CCDC12: variants seen among roughly 807,000 people sequenced by gnomAD.
CCDC12 encodes the protein coiled-coil domain containing 12, also known as coiled-coil domain-containing protein 12.
In CCDC12, 28 loss-of-function variants were observed where a neutral mutation model predicts 25.7. The observed-to-expected ratio is 1.09, with a 90% confidence interval of 0.81 to 1.50. CCDC12 has a LOEUF of 1.50. Among genes scored for constraint, CCDC12 ranks in the 40% most tolerant of loss-of-function variants. The pLI, the probability that CCDC12 is intolerant of heterozygous loss-of-function variation, is 0.00. For missense variants in CCDC12, 198 were observed against 210.0 expected, an observed-to-expected ratio of 0.94 and a Z score of 0.35; for synonymous variants, 75 against 87.7, an observed-to-expected ratio of 0.86 and a Z score of 0.81.
chr3:46,978,313 C>T (rs1020005540), upstream of CCDC12, among the ~76,000 whole-genome samples: 1 of 152,182 alleles, frequency 6.6e-6, no homozygotes, highest in Admixed American at 6.5e-5. Context: ...ATGGATGAAG[C>T]AGGACAAAAG....
intron 1 of CCDC12, among the ~76,000 whole-genome samples, chr3:46,954,381 CT>C (rs2034222908): frequency 6.6e-6 from 1 of 152,194 alleles, no homozygotes; most frequent in African/African-American, 2.4e-5. Flanking sequence ...AAGCAAGGAC[CT>C]GAAAACCTCA....
intron 3 of CCDC12, chr3:46,925,225 G>C: frequency 1.5e-6 from 1 of 689,420 alleles, no homozygotes; most frequent in South Asian, 1.5e-5. Context: ...TCGGTCTCAG[G>C]GTGTGAGCAG....
intron 1 of CCDC12, among the ~76,000 whole-genome samples, chr3:46,945,098 G>A (rs1358137564): frequency 1.3e-5 from 2 of 152,232 alleles, no homozygotes; most frequent in Admixed American, 6.5e-5. Context: ...GGGTCTGACC[G>A]TAGGCCCAGG....
intron 2 of CCDC12, among the ~76,000 whole-genome samples, chr3:46,931,891 G>A (rs1185691271): frequency 6.6e-6 from 1 of 152,184 alleles, no homozygotes; most frequent in African/African-American, 2.4e-5. Flanking sequence ...CAGAGACACT[G>A]GAGCTCTGCC....
intron 1 of CCDC12, among the ~76,000 whole-genome samples, chr3:46,958,608 T>C (rs2034371548): frequency 6.6e-6 from 1 of 152,178 alleles, no homozygotes; most frequent in Non-Finnish European, 1.5e-5. Context: ...CAGCACTTTA[T>C]AGAGCTCAAA....
rs1301504181 is a variant in CCDC12, at chr3:46,922,055, C to T, written c.*2G>A. The T allele has an allele frequency of 1.2e-6, 2 of 1,613,786 alleles. No individual in the cohort carries two copies. Among genetic ancestry groups the T allele is most frequent in the East Asian group, 2.2e-5 (1 of 44,894 alleles). On this transcript the variant is annotated 3_prime_UTR_variant, in exon 7 of 7. Coordinates refer to ENST00000683445, the MANE Select transcript of CCDC12 (RefSeq NM_001277074.2). ...TGGGCGAGTGGTGGGGCAGGGCATG[C>T]CTCAGTCGGAGTCACAGGTCTTTTG... is the stretch of plus-strand genomic sequence containing the variant.
chr3:46,953,773 G>A (rs1229185289), intron 1 of CCDC12, among the ~76,000 whole-genome samples: 1 of 152,130 alleles, frequency 6.6e-6, no homozygotes, highest in African/African-American at 2.4e-5. Flanking sequence ...GCCAATTGTA[G>A]ACTAAGCCCT....
chr3:46,975,440 A>G (rs1435346919), intron 1 of CCDC12, among the ~76,000 whole-genome samples: 1 of 152,066 alleles, frequency 6.6e-6, no homozygotes, highest in Non-Finnish European at 1.5e-5. Flanking sequence ...GGGCCTCCCA[A>G]AGTGCGGGAT....
At chr3:46,975,645 C>T (rs1244973363) in intron 1 of CCDC12, among the ~76,000 whole-genome samples, 4 of 150,826 alleles carry the variant, frequency 2.7e-5, no homozygotes, top group Admixed American at 2.0e-4. Context: ...ATTCTCCTGC[C>T]TCAGCTTCCC....
chr3:46,947,059 A>G (rs1352181268), intron 1 of CCDC12, among the ~76,000 whole-genome samples: 2 of 152,132 alleles, frequency 1.3e-5, no homozygotes, highest in East Asian at 1.9e-4. Context: ...GTACAGAAAC[A>G]CTTTCCAATC....
chr3:46,967,231 C>T (rs2034669479), intron 1 of CCDC12, among the ~76,000 whole-genome samples: 2 of 152,172 alleles, frequency 1.3e-5, no homozygotes, highest in African/African-American at 4.8e-5. Flanking sequence ...TGTCTGTGCG[C>T]ACTGCCTCAC....
intron 1 of CCDC12, among the ~76,000 whole-genome samples, chr3:46,953,816 G>T (rs1209808989): frequency 1.3e-5 from 2 of 152,042 alleles, no homozygotes; most frequent in Non-Finnish European, 2.9e-5. Flanking sequence ...CATTACTGGG[G>T]GGCTAAAAAT....
At chr3:46,960,471 A>G (rs1382794670) in intron 1 of CCDC12, among the ~76,000 whole-genome samples, 1 of 152,168 alleles carries the variant, frequency 6.6e-6, no homozygotes, top group Non-Finnish European at 1.5e-5. Flanking sequence ...CCTGAAAACA[A>G]TGGGAGGGGG....
intron 1 of CCDC12, among the ~76,000 whole-genome samples, chr3:46,964,641 T>G (rs1449801548): frequency 6.6e-6 from 1 of 152,350 alleles, no homozygotes; most frequent in East Asian, 1.9e-4. Context: ...CCTGTTGATC[T>G]ATGACCTTAC....
chr3:46,936,873 A>G (rs143503914), intron 2 of CCDC12, among the ~76,000 whole-genome samples: 30 of 152,318 alleles, frequency 2.0e-4, no homozygotes, highest in African/African-American at 6.7e-4. Context: ...CGAGACACTC[A>G]CAGGCAGCAG....
Position 46,941,347 on chromosome 3 carries a change from G to T in CCDC12, c.97-282C>A, listed in dbSNP as rs182851108. Reference sequence around the variant, plus strand: ...GGAGGCCGAGGTGGGCGGATCTCGAGGTCAGGAGATCGCAACCATCCTGGC... The same window carrying T: ...GGAGGCCGAGGTGGGCGGATCTCGATGTCAGGAGATCGCAACCATCCTGGC... On this transcript the variant is annotated intron_variant, in intron 1 of 6. Coordinates refer to ENST00000683445, the MANE Select transcript of CCDC12 (RefSeq NM_001277074.2). Among the ~76,000 whole-genome samples, 4 of 152,292 alleles carry T rather than the reference G, an allele frequency of 2.6e-5. No homozygotes were observed. In the East Asian group the frequency reaches 7.7e-4, roughly 29 times the overall value.
At chr3:46,940,934 G>C (rs1050093488) in intron 2 of CCDC12, 64 bp downstream of exon 2, 6 of 1,517,236 alleles carry the variant, frequency 4.0e-6, no homozygotes, top group South Asian at 2.2e-5. Flanking sequence ...GGAGGACCCA[G>C]AGACTGGGAG....
chr3:46,942,353 C>T (rs75876196), intron 1 of CCDC12, among the ~76,000 whole-genome samples: 2,974 of 152,334 alleles, frequency 0.02, 45 homozygotes, highest in Middle Eastern at 0.037. Context: ...ACAATGCTCA[C>T]TTCACTATGG....
chr3:46,969,901 CTTTTT>C (rs58273135), intron 1 of CCDC12, among the ~76,000 whole-genome samples: 18 of 111,186 alleles, frequency 1.6e-4, no homozygotes, highest in Non-Finnish European at 1.9e-4. Flanking sequence ...AGCCATATTT[CTTTTT>C]TTTTTTTTTT....
Sources: gnomAD v4.1 joint callset for allele counts (sites outside exome capture counted in the v4.1 genomes callset) on GRCh38, gnomAD v4.1.1 for gene constraint, MANE v1.5 for transcripts, NCBI Gene and HGNC (gene_info 2026-07-23, HGNC 2026-07-21) for gene names.